The following HDAC4 variants were observed in gnomAD, a reference collection of about 807,000 sequenced individuals.
The protein encoded by HDAC4 is histone deacetylase 4, also known as histone deacetylase A.
A neutral mutation model predicts 135.1 loss-of-function variants in HDAC4; 16 were observed. That is an observed-to-expected ratio of 0.12 (90% CI 0.08 to 0.18). The LOEUF is 0.18. Ranked by LOEUF, HDAC4 falls within the 10% of genes least tolerant of loss-of-function variation. The probability of loss-of-function intolerance (pLI) is 1.00; values close to 1 mark genes in which losing one functional copy is unlikely to be tolerated. For missense variants in HDAC4, 1,143 were observed against 1,511.8 expected, an observed-to-expected ratio of 0.76 and a Z score of 4.05; for synonymous variants, 685 against 653.4, an observed-to-expected ratio of 1.05 and a Z score of -0.74.
rs2030875409 is a variant in HDAC4, at chr2:239,051,685, G to C, written c.*1412C>G. ...ATTAAAATGAAAGTACAAACTTGTA[G>C]GGTAGTTGCCCAGTGGCGAATGTGT... On this transcript the variant is annotated 3_prime_UTR_variant, in exon 27 of 27. Transcript: ENST00000543185. 6.6e-6 allele frequency: 1 copy of C among 152,584 alleles called. No individual in the cohort carries two copies. Among genetic ancestry groups the C allele is most frequent in the African/African-American group, 2.4e-5 (1 of 41,442 alleles). 9.5% of individuals were successfully genotyped at this position (152,584 alleles called of 1,614,324 possible).
rs112993854 is a variant in HDAC4, at chr2:239,071,781, G to A, written c.2751-3174C>T. ...GCTCCTGTCGGCAGCTGATCTGGAC[G>A]CTGTGGTTTTGGTGCCCACTGACTG... On this transcript the variant is annotated intron_variant, in intron 22 of 26. Coordinates refer to ENST00000543185, the MANE Select transcript of HDAC4 (RefSeq NM_001378414.1). 9.9e-4 allele frequency among the ~76,000 whole-genome samples: 150 copies of A among 152,252 alleles called. 1 individual carries two copies. The highest frequency in any genetic ancestry group is 3.4e-3 in the Middle Eastern group (1 of 294).
Position 239,144,656 on chromosome 2 carries a change from C to G in HDAC4, c.792G>C (p.Arg264=). The change falls in exon 8 of 27, where the codon CGG becomes CGC. Residue 264 remains arginine, a synonymous_variant. Transcript: ENST00000543185. The stretch of plus-strand genomic sequence containing the variant: ...CTTTCCTGCGTAACAGGGGGCTGCT[C>G]CGTCTTTCGGCCACTTTCTGCTTTA... ...SRLKQKVAER[R]SSPLLRRKDG... 6.2e-7 allele frequency: 1 copy of G among 1,614,202 alleles called. No individual in the cohort carries two copies. The highest frequency in any genetic ancestry group is 8.5e-7 in the Non-Finnish European group (1 of 1,180,032).
intron 2 of HDAC4, among the ~76,000 whole-genome samples, chr2:239,300,769 G>A (rs574899754): frequency 1.3e-5 from 2 of 152,340 alleles, no homozygotes; most frequent in South Asian, 2.1e-4. Flanking sequence ...GAATTTTTCC[G>A]ACTGCTCTTT....
rs934763045 is a variant in HDAC4 at position 239,167,601 on chromosome 2, C to T, written c.491-3678G>A. Among the ~76,000 whole-genome samples, 1 of 152,198 alleles carries T rather than the reference C, an allele frequency of 6.6e-6. No individual in the cohort carries two copies. Among genetic ancestry groups the T allele is most frequent in the African/African-American group, 2.4e-5 (1 of 41,438 alleles). ...TCAAAATGAGGGGCTGATTCTGACC[C>T]CCACCCCGTTTCTGCACTTCTGGTT... is the stretch of plus-strand genomic sequence containing the variant. On this transcript the variant is annotated intron_variant, in intron 5 of 26. Transcript: ENST00000543185. This position sits in a 1 kb window ranked among gnomAD's most constrained non-coding sequence, Gnocchi z 4.1.
intron 14 of HDAC4, among the ~76,000 whole-genome samples, chr2:239,109,880 G>A (rs745484098): frequency 6.6e-6 from 1 of 152,190 alleles, no homozygotes. Flanking sequence ...CTAAGCACAC[G>A]GCTGGAACTT....
chr2:239,235,805 C>T (rs1012132234), intron 3 of HDAC4, among the ~76,000 whole-genome samples: 56 of 152,230 alleles, frequency 3.7e-4, no homozygotes, highest in Admixed American at 1.2e-3. Context: ...TTTGGGAGGC[C>T]GAGGCAGGCA....
intron 2 of HDAC4, among the ~76,000 whole-genome samples, chr2:239,256,285 C>A (rs935445334): frequency 6.6e-6 from 1 of 152,198 alleles, no homozygotes; most frequent in Non-Finnish European, 1.5e-5. Context: ...AGAATGAATT[C>A]CCAAATTTAC....
At chr2:239,305,584 T>A (rs907038934) in intron 2 of HDAC4, 8 of 152,716 alleles carry the variant, frequency 5.2e-5, no homozygotes, top group East Asian at 1.9e-4. Context: ...GTATATTTTT[T>A]AAAAAACTAT....
At position 239,084,641 on chromosome 2, in the gene HDAC4, G is replaced by A. The variant is rs1025979083; in HGVS notation, c.2445-399C>T. Among the ~76,000 whole-genome samples the A allele has an allele frequency of 3.3e-3, 419 of 128,256 alleles. 3 individuals are homozygous for A. Among genetic ancestry groups the A allele is most frequent in the African/African-American group, 0.012 (399 of 32,924 alleles). 84.1% of individuals were successfully genotyped at this position (128,256 alleles called of 152,430 possible). Reference sequence around the variant, plus strand: ...ACACACACCACAGACAGAGACACACGTACACCCCACACAGACACACACACC... The same window carrying A: ...ACACACACCACAGACAGAGACACACATACACCCCACACAGACACACACACC... On this transcript the variant is annotated intron_variant, in intron 19 of 26. Transcript: ENST00000543185.
rs560936797 is a variant in HDAC4, at chr2:239,242,885, A to T, written c.23-6221T>A. Among the ~76,000 whole-genome samples the T allele has an allele frequency of 1.5e-4, 23 of 152,324 alleles. No individual in the cohort carries two copies. The South Asian group carries it at 4.4e-3, about 29-fold the overall frequency. On this transcript the variant is annotated intron_variant, in intron 2 of 26. Transcript: ENST00000543185. Reference sequence around the variant, plus strand: ...AAACTTTTCTGCATCAATTCAGCTTATTAAATAATTTCCCCTTCCATCTGA... The same window carrying T: ...AAACTTTTCTGCATCAATTCAGCTTTTTAAATAATTTCCCCTTCCATCTGA...
intron 2 of HDAC4, among the ~76,000 whole-genome samples, chr2:239,304,012 A>G (rs2052428744): frequency 6.6e-6 from 1 of 152,196 alleles, no homozygotes. Context: ...GTGCCCTGTG[A>G]GCCACAGCTT....
chr2:239,126,442 G>A lies in HDAC4; in HGVS notation c.1533+14C>T, dbSNP rs757700985. 15 of 1,613,312 alleles carry A rather than the reference G, an allele frequency of 9.3e-6. No individual in the cohort carries two copies. Among genetic ancestry groups the A allele is most frequent in the East Asian group, 2.2e-5 (1 of 44,896 alleles). On this transcript the variant is annotated intron_variant, in intron 12 of 26. Transcript: ENST00000543185. ...CCGCCCTGGGGCCTGGGAGCGCTGA[G>A]CCGGCAAACCCACCTTGTTCATCTG...
Position 239,307,258 on chromosome 2 carries a change from C to G in HDAC4, c.22+45420G>C, listed in dbSNP as rs1432291250. On this transcript the variant is annotated intron_variant, in intron 2 of 26. Coordinates refer to ENST00000543185, the MANE Select transcript of HDAC4 (RefSeq NM_001378414.1). The surrounding 1 kb of genome is among the most constrained non-coding windows in gnomAD (Gnocchi z 4.8). ...ATGGTCATCCTCAGATGAGTGGGGG[C>G]TGTGCTCAGGACCCTCAGGGGACCA... Among the ~76,000 whole-genome samples the G allele has an allele frequency of 6.6e-6, 1 of 152,122 alleles. No individual in the cohort carries two copies. Among genetic ancestry groups the G allele is most frequent in the Non-Finnish European group, 1.5e-5 (1 of 68,010 alleles).
chr2:239,228,397 G>A (rs1369771777), intron 3 of HDAC4, among the ~76,000 whole-genome samples: 1 of 75,666 alleles, frequency 1.3e-5, no homozygotes, highest in Non-Finnish European at 2.8e-5. Flanking sequence ...ATGGCAGGAG[G>A]GAGCTGTCAC....
intron 3 of HDAC4, among the ~76,000 whole-genome samples, chr2:239,209,423 G>A (rs1408212173): frequency 1.3e-5 from 2 of 152,188 alleles, no homozygotes; most frequent in East Asian, 3.8e-4. Flanking sequence ...GGAAAAAACA[G>A]GGTGTTCCAC....
intron 7 of HDAC4, among the ~76,000 whole-genome samples, chr2:239,150,840 A>AT (rs1001284139): frequency 4.6e-5 from 7 of 151,518 alleles, no homozygotes; most frequent in South Asian, 2.1e-4. Flanking sequence ...ACACCTTCAC[A>AT]TACAGCAGCA....
chr2:239,393,630 T>G (rs1277510044), intron 1 of HDAC4, among the ~76,000 whole-genome samples: 2 of 78,668 alleles, frequency 2.5e-5, no homozygotes, highest in African/African-American at 1.0e-4. Flanking sequence ...TTCCTCCTCC[T>G]CATCTGGGCC....
intron 2 of HDAC4, among the ~76,000 whole-genome samples, chr2:239,269,217 TCA>T (rs554904356): frequency 5.8e-4 from 85 of 147,068 alleles, no homozygotes; most frequent in African/African-American, 1.9e-3. Flanking sequence ...CCACACACAT[TCA>T]CACACCCACA....
chr2:239,058,106 T>C (rs2032148661), intron 24 of HDAC4, among the ~76,000 whole-genome samples: 1 of 152,240 alleles, frequency 6.6e-6, no homozygotes, highest in Non-Finnish European at 1.5e-5. Flanking sequence ...GCTCTGTGTC[T>C]ACTCTGGCAC....
Sources: gnomAD v4.1 joint callset for allele counts (sites outside exome capture counted in the v4.1 genomes callset) on GRCh38, gnomAD v4.1.1 for gene constraint, Gnocchi (gnomAD v3.1) non-coding constraint, MANE v1.5 for transcripts, NCBI Gene and HGNC (gene_info 2026-07-23, HGNC 2026-07-21) for gene names.